Variants in XAB2 observed in about 807,000 individuals in gnomAD.
XAB2 encodes the protein XPA binding protein 2.
XAB2 carries 57 observed loss-of-function variants against 113.4 expected under a neutral mutation model. That is an observed-to-expected ratio of 0.50 (90% CI 0.41 to 0.63). The LOEUF is 0.63. Among genes scored for constraint, XAB2 ranks in the 20% least tolerant of loss-of-function variants. The pLI is 0.00. For missense variants in XAB2, 1,037 were observed against 1,233.3 expected (o/e 0.84, Z 2.38); for synonymous variants, 497 against 498.8 (o/e 1.00, Z 0.05).
chr19:7,626,100 C>G, intron 5 of XAB2, 36 bp downstream of exon 5: 1 of 1,611,920 alleles, frequency 6.2e-7, no homozygotes, highest in Non-Finnish European at 8.5e-7. Flanking sequence ...GAGGGGGTGG[C>G]CCTCCCACCC....
At position 7,621,095 on chromosome 19, in the gene XAB2, G is replaced by C. The variant is rs4134863; in HGVS notation, c.1780+40C>G. ...TCAGCCGGGGCCAGTCAGAAACCCA[G>C]CCCGCCCGCCACCCCCCCCATGCCC... On this transcript the variant is annotated intron_variant, in intron 13 of 18. Transcript: ENST00000358368. 1,301 of 1,484,352 alleles carry C rather than the reference G, an allele frequency of 8.8e-4. No homozygotes were observed. Among genetic ancestry groups the C allele is most frequent in the Admixed American group, 1.7e-3 (83 of 48,300 alleles). 91.9% of individuals were successfully genotyped at this position (1,484,352 alleles called of 1,614,324 possible).
At chr19:7,621,564 T>C in intron 12 of XAB2, 1 of 484,362 alleles carries the variant, frequency 2.1e-6, no homozygotes, top group Non-Finnish European at 3.7e-6. Flanking sequence ...TGAAGGTGGG[T>C]GGCTCCCCAG....
At position 7,620,464 on chromosome 19, in the gene XAB2, C is replaced by G; in HGVS notation, c.2095-18G>C. 1 of 1,608,400 alleles carries G rather than the reference C, an allele frequency of 6.2e-7. No individual in the cohort carries two copies. The highest frequency in any genetic ancestry group is 8.5e-7 in the Non-Finnish European group (1 of 1,177,638). ...CCGGTCGTCTGCGTGGGGGGCAGGG[C>G]AGGGGTGGGTGTGTGTGCCCGTGAG... On this transcript the variant is annotated intron_variant, in intron 15 of 18. Transcript: ENST00000358368.
intron 18 of XAB2, 27 bp downstream of exon 18, chr19:7,619,720 C>A (rs957233785): frequency 1.2e-6 from 2 of 1,612,014 alleles, no homozygotes; most frequent in Non-Finnish European, 1.7e-6. Context: ...GGTAATGCCA[C>A]CGTCCCCGCC....
chr19:7,626,602 G>T (rs1416630847), intron 4 of XAB2, among the ~76,000 whole-genome samples: 1 of 151,774 alleles, frequency 6.6e-6, no homozygotes, highest in East Asian at 1.9e-4. Context: ...CAGCCCCAAT[G>T]GTCCAGCCTT....
chr19:7,627,670 A>ACCC lies in XAB2; in HGVS notation c.324+55_324+57dup. On this transcript the variant is annotated intron_variant, in intron 3 of 18. Transcript: ENST00000358368. The surrounding 1 kb of genome is among the most constrained non-coding windows in gnomAD (Gnocchi z 4.5). The stretch of plus-strand genomic sequence containing the variant: ...TGAGCCCAGCCCCTGTCCCCGCCCC[A>ACCC]CCCACCACCATGGACTGAGCTCCAC... 1 of 1,139,404 alleles carries ACCC rather than the reference A, an allele frequency of 8.8e-7. No individual in the cohort carries two copies. 70.6% of individuals were successfully genotyped at this position (1,139,404 alleles called of 1,614,324 possible).
Position 7,622,777 on chromosome 19 carries a change from G to A in XAB2, c.1356C>T (p.Ala452=), listed in dbSNP as rs1218813854. Residue 452 remains alanine (A), a synonymous_variant, in exon 10 of 19, where the codon GCC becomes GCT. Transcript: ENST00000358368. ...CTGTTCTCACTCGCAGCAGCCGCAAGGCCTCATCGTAGTTCTCGTGTCGGA... is the reference window on the plus strand; with the variant it reads ...CTGTTCTCACTCGCAGCAGCCGCAAAGCCTCATCGTAGTTCTCGTGTCGGA... ...LELRHENYDE[A]LRLLRKATAL... The A allele has an allele frequency of 1.9e-6, 3 of 1,614,094 alleles. No individual in the cohort carries two copies. The highest frequency in any genetic ancestry group is 1.7e-6 in the Non-Finnish European group (2 of 1,180,036).
In XAB2 at chr19:7,622,747, T is replaced by C. The variant is rs2031061763; in HGVS notation, c.1371+15A>G. 1 of 1,613,694 alleles carries C rather than the reference T, an allele frequency of 6.2e-7. No homozygotes were observed. The highest frequency in any genetic ancestry group is 1.1e-5 in the South Asian group (1 of 91,084). On this transcript the variant is annotated intron_variant, in intron 10 of 18. Transcript: ENST00000358368. ...AACCTGCAGCCCCCACCCCACAGCC[T>C]GGGCCTGTTCTCACTCGCAGCAGCC...
chr19:7,626,349 G>A (rs1305447744), intron 4 of XAB2, 79 bp from the exon 5 acceptor site: 25 of 1,554,502 alleles, frequency 1.6e-5, no homozygotes, highest in African/African-American at 1.4e-4. Flanking sequence ...GCTTCGGGGC[G>A]TCCCCCCCCA....
In XAB2 at chr19:7,620,455, G is replaced by A. The variant is rs760105715; in HGVS notation, c.2095-9C>T. The A allele has an allele frequency of 6.2e-7, 1 of 1,608,660 alleles. No homozygotes were observed. The highest frequency in any genetic ancestry group is 1.1e-5 in the South Asian group (1 of 90,988). On this transcript the variant is annotated splice_polypyrimidine_tract_variant and intron_variant, in intron 15 of 18. Coordinates refer to ENST00000358368, the MANE Select transcript of XAB2 (RefSeq NM_020196.3). ...CAGAACGCGCCGGTCGTCTGCGTGG[G>A]GGGCAGGGCAGGGGTGGGTGTGTGT...
intron 13 of XAB2, 42 bp downstream of exon 13, chr19:7,621,093 C>T (rs1236828619): frequency 3.9e-6 from 6 of 1,525,692 alleles, no homozygotes; most frequent in Non-Finnish European, 5.3e-6. Context: ...GTCAGAAACC[C>T]AGCCCGCCCG....
rs141686756 is a variant in XAB2 at position 7,619,775 on chromosome 19, G to A, written c.2478C>T (p.Asp826=). Residue 826 remains aspartate (D), a synonymous_variant, in exon 18 of 19, where the codon GAC becomes GAT. Transcript: ENST00000358368. The part of the protein sequence containing the change: ...PEEIQLGEDE[D]EDEMDLEPNE... ...TGGGCTCCAGGTCCATCTCGTCCTC[G>A]TCCTCGTCCTCGCCCAGCTGGATCT... 4.8e-4 allele frequency: 770 copies of A among 1,613,702 alleles called. 1 individual carries two copies. Among genetic ancestry groups the A allele is most frequent in the South Asian group, 1.4e-3 (129 of 91,086 alleles).
At position 7,624,346 on chromosome 19, in the gene XAB2, C is replaced by A; in HGVS notation, c.922G>T (p.Ala308Ser). Reference protein sequence around the residue: ...SYAQFEESMIAAKMETASELG... With the variant: ...SYAQFEESMISAKMETASELG... ...TCCGAGGCGGTCTCCATCTTTGCAG[C>A]GATCATGCTCTCCTCGAACTGGGCG... The change falls in exon 7 of 19, where the codon GCT (alanine) becomes TCT (serine). Residue 308 changes from alanine (A) to serine (S), a missense_variant. Physicochemically the swap from Ala to Ser is moderately conservative, Grantham distance 99. Coordinates refer to ENST00000358368, the MANE Select transcript of XAB2 (RefSeq NM_020196.3). This position sits in a 1 kb window ranked among gnomAD's most constrained non-coding sequence, Gnocchi z 4.2. The A allele has an allele frequency of 1.2e-6, 2 of 1,614,146 alleles. No homozygotes were observed. The highest frequency in any genetic ancestry group is 1.7e-6 in the Non-Finnish European group (2 of 1,180,036).
rs1454160454 is a variant in XAB2, at chr19:7,623,571, G to A, written c.1119+160C>T. Among the ~76,000 whole-genome samples, 1 of 152,106 alleles carries A rather than the reference G, an allele frequency of 6.6e-6. No homozygotes were observed. The highest frequency in any genetic ancestry group is 1.5e-5 in the Non-Finnish European group (1 of 67,992). On this transcript the variant is annotated intron_variant, in intron 8 of 18. Transcript: ENST00000358368. The surrounding 1 kb of genome is among the most constrained non-coding windows in gnomAD (Gnocchi z 4.6). ...AGGAGGGACTGTGGCTCTGAGGGGC[G>A]GGGCTCGGGCAGGAGGAGAACCCCA... is the stretch of plus-strand genomic sequence containing the variant.
Position 7,619,562 on chromosome 19 carries a change from G to C in XAB2, c.*24C>G. Reference sequence around the variant, plus strand: ...GTAGCTGTATTGGGGAGGGGGTGGGGAGGGGGGATGGGGGAGGGACGGGTC... The same window carrying C: ...GTAGCTGTATTGGGGAGGGGGTGGGCAGGGGGGATGGGGGAGGGACGGGTC... On this transcript the variant is annotated 3_prime_UTR_variant, in exon 19 of 19. Transcript: ENST00000358368. The C allele has an allele frequency of 6.7e-7, 1 of 1,481,788 alleles. No homozygotes were observed. Among genetic ancestry groups the C allele is most frequent in the Non-Finnish European group, 9.1e-7 (1 of 1,101,858 alleles). The allele number at this position is 1,481,788 out of a possible 1,614,324, so 91.8% of individuals were successfully genotyped here. A position where few individuals can be genotyped will look rare whatever the true frequency, so the allele number is the denominator to read the frequency against.
chr19:7,621,535 T>C (rs2031034476), intron 12 of XAB2: 2 of 523,914 alleles, frequency 3.8e-6, no homozygotes, highest in Admixed American at 3.3e-5. Context: ...TCTGGCCCCA[T>C]AGGAGGTGAC....
chr19:7,623,380 A>G lies in XAB2; in HGVS notation c.1120-91T>C. The G allele has an allele frequency of 8.4e-6, 13 of 1,543,794 alleles. No homozygotes were observed. Among genetic ancestry groups the G allele is most frequent in the Non-Finnish European group, 1.1e-5 (12 of 1,136,668 alleles). ...TGTGGCTCTGAGGGGTGGGGCCTGG[A>G]GGGTGCTGTGGCCCCTGTCGGGAGA... On this transcript the variant is annotated intron_variant, in intron 8 of 18. Transcript: ENST00000358368. This position sits in a 1 kb window ranked among gnomAD's most constrained non-coding sequence, Gnocchi z 4.6.
chr19:7,628,349 G>T lies in XAB2; in HGVS notation c.52-51C>A. 6.2e-7 allele frequency: 1 copy of T among 1,608,450 alleles called. No individual in the cohort carries two copies. The highest frequency in any genetic ancestry group is 1.1e-5 in the South Asian group (1 of 90,820). On this transcript the variant is annotated intron_variant, in intron 1 of 18. Transcript: ENST00000358368. The surrounding 1 kb of genome is among the most constrained non-coding windows in gnomAD (Gnocchi z 4.6). ...AGAGAGGCCTACCCTCAGAGCCTGT[G>T]TGCAGCACCATCCCACTGCTGGGGC... is the stretch of plus-strand genomic sequence containing the variant.
In XAB2 at chr19:7,621,101, C is replaced by T. The variant is rs767681532; in HGVS notation, c.1780+34G>A. ...GGGGCCAGTCAGAAACCCAGCCCGC[C>T]CGCCACCCCCCCCATGCCCTCTGCC... On this transcript the variant is annotated intron_variant, in intron 13 of 18. Coordinates refer to ENST00000358368, the MANE Select transcript of XAB2 (RefSeq NM_020196.3). The T allele has an allele frequency of 3.3e-6, 5 of 1,517,874 alleles. No individual in the cohort carries two copies. In the East Asian group the frequency reaches 9.6e-5, roughly 29 times the overall value. The allele number at this position is 1,517,874 out of a possible 1,614,324, so 94.0% of individuals were successfully genotyped here.
Sources: gnomAD v4.1 joint callset for allele counts (sites outside exome capture counted in the v4.1 genomes callset) on GRCh38, gnomAD v4.1.1 for gene constraint, Gnocchi (gnomAD v3.1) non-coding constraint, MANE v1.5 for transcripts, NCBI Gene and HGNC (gene_info 2026-07-23, HGNC 2026-07-21) for gene names.